The following ZBTB7C variants were observed in gnomAD, a reference collection of about 807,000 sequenced individuals.
ZBTB7C encodes zinc finger and BTB domain containing 7C.
Under a neutral mutation model 25.7 loss-of-function variants are expected in ZBTB7C, and 8 were observed. The observed-to-expected ratio is 0.31, with a 90% confidence interval of 0.18 to 0.56. ZBTB7C has a LOEUF of 0.56. Among genes scored for constraint, ZBTB7C ranks in the 20% least tolerant of loss-of-function variants. The pLI is 0.91. For synonymous variants in ZBTB7C, 394 were observed against 369.0 expected (o/e 1.07, Z -0.78); for missense variants, 824 against 855.2 (o/e 0.96, Z 0.46).
chr18:48,267,250 C>G (rs779891562), intron 2 of ZBTB7C, among the ~76,000 whole-genome samples: 1 of 152,202 alleles, frequency 6.6e-6, no homozygotes, highest in Non-Finnish European at 1.5e-5. Flanking sequence ...TTGTCCAGGC[C>G]TTCCCACTGT....
chr18:48,111,835 G>A (rs6507809), intron 3 of ZBTB7C, among the ~76,000 whole-genome samples: 6 of 152,174 alleles, frequency 3.9e-5, no homozygotes, highest in African/African-American at 1.4e-4. Flanking sequence ...CATAAACACA[G>A]TTTTTGGCAG....
intron 3 of ZBTB7C, chr18:48,149,187 CGCACGTGTGTGT>C (rs1232151597): frequency 7.1e-6 from 1 of 139,868 alleles, no homozygotes; most frequent in Non-Finnish European, 1.6e-5. Context: ...TGTGTGTGTG[CGCACGTGTGTGT>C]GCACGCGTGT....
chr18:48,360,485 A>G (rs959252263), intron 1 of ZBTB7C, among the ~76,000 whole-genome samples: 1 of 152,232 alleles, frequency 6.6e-6, no homozygotes, highest in African/African-American at 2.4e-5. Context: ...GTATGAGAGG[A>G]GCGTGGGAAG....
chr18:48,353,139 A>G (rs1235316097), intron 1 of ZBTB7C, among the ~76,000 whole-genome samples: 1 of 152,194 alleles, frequency 6.6e-6, no homozygotes, highest in African/African-American at 2.4e-5. Flanking sequence ...GTAACCTCCT[A>G]ACCCTCAAAA....
At chr18:48,194,259 AC>A (rs1363314387) in intron 2 of ZBTB7C, among the ~76,000 whole-genome samples, 1 of 151,724 alleles carries the variant, frequency 6.6e-6, no homozygotes, top group African/African-American at 2.4e-5. Flanking sequence ...TCCCCACCCT[AC>A]CCCCTGCCCA....
intron 3 of ZBTB7C, among the ~76,000 whole-genome samples, chr18:48,161,864 G>C: frequency 6.6e-6 from 1 of 151,498 alleles, no homozygotes; most frequent in Non-Finnish European, 1.5e-5. Flanking sequence ...CCCTCCCCGC[G>C]GCCGCAGCCT....
chr18:48,227,051 GA>G (rs368223658), intron 2 of ZBTB7C, among the ~76,000 whole-genome samples: 71 of 140,192 alleles, frequency 5.1e-4, no homozygotes, highest in Non-Finnish European at 6.9e-4. Context: ...AAAAGAAAAA[GA>G]AAAAAAAAAG....
intron 2 of ZBTB7C, among the ~76,000 whole-genome samples, chr18:48,274,001 A>T (rs1287772394): frequency 6.6e-6 from 1 of 152,240 alleles, no homozygotes; most frequent in African/African-American, 2.4e-5. Context: ...ACATTGTAAT[A>T]CGAATAAATG....
chr18:48,248,715 G>A (rs1024806026), intron 2 of ZBTB7C, among the ~76,000 whole-genome samples: 34 of 152,074 alleles, frequency 2.2e-4, no homozygotes, highest in African/African-American at 8.0e-4. Flanking sequence ...CTGGTAACTC[G>A]ATGTTGAATA....
chr18:48,356,482 C>T (rs574054224), intron 1 of ZBTB7C, among the ~76,000 whole-genome samples: 83 of 152,196 alleles, frequency 5.5e-4, no homozygotes, highest in Non-Finnish European at 1.0e-3. Context: ...GTGCTACGGG[C>T]TTTTCCAACA....
intron 4 of ZBTB7C, among the ~76,000 whole-genome samples, chr18:48,030,196 A>G (rs111608424): frequency 0.011 from 1,670 of 152,290 alleles, 29 homozygotes; most frequent in African/African-American, 0.039. Context: ...CCACTCTATT[A>G]GGGGTTTATC....
At chr18:48,215,033 G>A (rs964750202) in intron 2 of ZBTB7C, among the ~76,000 whole-genome samples, 2 of 152,224 alleles carry the variant, frequency 1.3e-5, no homozygotes, top group African/African-American at 2.4e-5. Context: ...AACTCACAAT[G>A]TCACTAGTCC....
At chr18:48,305,209 G>A (rs1167228585) in intron 2 of ZBTB7C, among the ~76,000 whole-genome samples, 3 of 152,156 alleles carry the variant, frequency 2.0e-5, no homozygotes, top group Non-Finnish European at 4.4e-5. Context: ...ACATAAAGTG[G>A]GGAACAATTT....
intron 3 of ZBTB7C, among the ~76,000 whole-genome samples, chr18:48,107,889 T>C (rs2039090249): frequency 6.6e-6 from 1 of 152,152 alleles, no homozygotes; most frequent in South Asian, 2.1e-4. Flanking sequence ...TGCAGAGCCA[T>C]GATTTCCTTA....
intron 2 of ZBTB7C, among the ~76,000 whole-genome samples, chr18:48,266,207 T>C (rs4939770): frequency 0.34 from 51,304 of 152,056 alleles, 9,069 homozygotes; most frequent in African/African-American, 0.41. Context: ...AAGTGGTCGA[T>C]GGAGCTAGGA....
intron 1 of ZBTB7C, among the ~76,000 whole-genome samples, chr18:48,406,754 T>C (rs1200241051): frequency 3.3e-5 from 5 of 152,232 alleles, no homozygotes; most frequent in Admixed American, 3.3e-4. Context: ...ATATTCTCTC[T>C]TGCAAGTCAT....
chr18:48,386,921 C>T (rs895117841), intron 1 of ZBTB7C, among the ~76,000 whole-genome samples: 2 of 152,234 alleles, frequency 1.3e-5, no homozygotes, highest in Non-Finnish European at 2.9e-5. Flanking sequence ...AGATGCCCAG[C>T]ATGCAGCTAC....
chr18:48,337,221 G>A (rs912868185), intron 2 of ZBTB7C, among the ~76,000 whole-genome samples: 4 of 152,150 alleles, frequency 2.6e-5, no homozygotes, highest in Admixed American at 6.5e-5. Context: ...ACCCTCTTGG[G>A]CCTCCTGCCC....
rs573261870 is a variant in ZBTB7C at position 48,370,047 on chromosome 18, T to C, written c.-303-31649A>G. On this transcript the variant is annotated intron_variant, in intron 1 of 4. Transcript: ENST00000590800. ...AAAATTAAAATTATACAGTGTGTTC[T>C]CAGGCTTCAGTGGAATGAATCAACT... Among the ~76,000 whole-genome samples, 21 of 152,306 alleles carry C rather than the reference T, an allele frequency of 1.4e-4. 1 individual carries two copies. The South Asian group carries it at 3.9e-3, about 29-fold the overall frequency.
Sources: gnomAD v4.1 joint callset for allele counts (sites outside exome capture counted in the v4.1 genomes callset) on GRCh38, gnomAD v4.1.1 for gene constraint, MANE v1.5 for transcripts, NCBI Gene and HGNC (gene_info 2026-07-23, HGNC 2026-07-21) for gene names.